Variants in NDUFA3 observed in about 807,000 individuals in gnomAD.
The protein encoded by NDUFA3 is NADH dehydrogenase [ubiquinone] 1 alpha subcomplex subunit 3.
A neutral mutation model predicts 11.4 loss-of-function variants in NDUFA3; 10 were observed. The ratio of observed to expected loss-of-function variants is 0.87; its 90% confidence interval spans 0.54 to 1.48. The LOEUF (loss-of-function observed/expected upper bound fraction) is 1.48, where lower values mean the gene tolerates loss of function less well. Among genes scored for constraint, NDUFA3 ranks in the 40% most tolerant of loss-of-function variants. The probability of loss-of-function intolerance (pLI) is 0.00; values close to 1 mark genes in which losing one functional copy is unlikely to be tolerated. For synonymous variants in NDUFA3, 39 were observed against 46.9 expected, an observed-to-expected ratio of 0.83 and a Z score of 0.68; for missense variants, 115 against 110.5, an observed-to-expected ratio of 1.04 and a Z score of -0.18.
chr19:54,103,000 G>A, intron 1 of NDUFA3, 112 bp downstream of exon 1: 1 of 1,542,570 alleles, frequency 6.5e-7, no homozygotes, highest in Non-Finnish European at 8.8e-7. Flanking sequence ...GTCCGTGCTG[G>A]AGGGGAACGC....
intron 2 of NDUFA3, among the ~76,000 whole-genome samples, chr19:54,105,264 C>CTTTTTTTTTTTTTTTTCTTTTT (rs2073222155): frequency 1.4e-5 from 1 of 71,258 alleles, no homozygotes; most frequent in Non-Finnish European, 2.5e-5. Context: ...GTTTGTAAGG[C>CTTTTTTTTTTTTTTTTCTTTTT]TTTTTTTTTT....
chr19:54,106,907 C>G lies in NDUFA3; in HGVS notation c.*5C>G. 1 of 1,609,474 alleles carries G rather than the reference C, an allele frequency of 6.2e-7. No individual in the cohort carries two copies. Among genetic ancestry groups the G allele is most frequent in the Non-Finnish European group, 8.5e-7 (1 of 1,178,506 alleles). ...GAGTGGCTGAAGAAACTGTGAGCAC[C>G]TCCACTGACAGAGGCGGCCCCTCCC... On this transcript the variant is annotated 3_prime_UTR_variant, in exon 4 of 4. Transcript: ENST00000485876.
intron 2 of NDUFA3, among the ~76,000 whole-genome samples, chr19:54,104,728 GTTTT>G (rs201417446): frequency 8.9e-6 from 1 of 112,262 alleles, no homozygotes; most frequent in African/African-American, 3.2e-5. Flanking sequence ...ATGTACTATG[GTTTT>G]TTTTGTTTGT....
At chr19:54,104,592 A>G (rs1269958374) in intron 2 of NDUFA3, among the ~76,000 whole-genome samples, 3 of 152,154 alleles carry the variant, frequency 2.0e-5, no homozygotes, top group Non-Finnish European at 4.4e-5. Flanking sequence ...CTGGCCACTG[A>G]GCATTTGAAG....
intron 3 of NDUFA3, 143 bp from the exon 4 acceptor site, chr19:54,106,668 T>C: frequency 1.6e-6 from 1 of 609,772 alleles, no homozygotes. Context: ...TTCCCGCCTC[T>C]TTCTGCATCA....
Position 54,106,984 on chromosome 19 carries a change from T to TC in NDUFA3, c.*82_*83insC, listed in dbSNP as rs1568561953. 4.4e-6 allele frequency: 7 copies of TC among 1,601,936 alleles called. No homozygotes were observed. The highest frequency in any genetic ancestry group is 6.0e-6 in the Non-Finnish European group (7 of 1,172,788). On this transcript the variant is annotated 3_prime_UTR_variant, in exon 4 of 4. Coordinates refer to ENST00000485876, the MANE Select transcript of NDUFA3 (RefSeq NM_004542.4). Reference sequence around the variant, plus strand: ...CAACCCCCGAACGTGAGCATGTGTGTGATCAGAGGTGGGAACAAGTAGACG... The same window carrying TC: ...CAACCCCCGAACGTGAGCATGTGTGTCGATCAGAGGTGGGAACAAGTAGACG...
At chr19:54,103,228 C>G in intron 2 of NDUFA3, 40 bp downstream of exon 2, 1 of 1,552,090 alleles carries the variant, frequency 6.4e-7, no homozygotes, top group South Asian at 1.2e-5. Context: ...ATCGTCCACC[C>G]CCGTCCCCCT....
chr19:54,105,687 C>A (rs1468314647), intron 2 of NDUFA3: 1 of 692,742 alleles, frequency 1.4e-6, no homozygotes, highest in Admixed American at 2.1e-5. Context: ...GCTGCCTCCT[C>A]CAGGCCCCAC....
rs751412715 is a variant in NDUFA3 at position 54,107,039 on chromosome 19, T to C, written c.*137T>C. The stretch of plus-strand genomic sequence containing the variant: ...CCGGGGTGAGTGTGGGGTCAGTTTA[T>C]TGGGCATGCGTCAGTCAGAGGCTGG... On this transcript the variant is annotated 3_prime_UTR_variant, in exon 4 of 4. Transcript: ENST00000485876. 21 of 1,613,034 alleles carry C rather than the reference T, an allele frequency of 1.3e-5. No individual in the cohort carries two copies. Among genetic ancestry groups the C allele is most frequent in the Non-Finnish European group, 1.6e-5 (19 of 1,179,716 alleles).
intron 3 of NDUFA3, 103 bp downstream of exon 3, chr19:54,106,114 C>G (rs1244204365): frequency 9.0e-7 from 1 of 1,106,696 alleles, no homozygotes; most frequent in Admixed American, 1.8e-5. Context: ...ATCAGAGATT[C>G]TGCAGTGGTG....
At chr19:54,103,983 G>T (rs587666590) in intron 2 of NDUFA3, among the ~76,000 whole-genome samples, 4 of 149,746 alleles carry the variant, frequency 2.7e-5, no homozygotes, top group African/African-American at 9.9e-5. Context: ...ACAGGCGCCC[G>T]CCCCCATGCC....
At chr19:54,104,195 T>G (rs587692471) in intron 2 of NDUFA3, among the ~76,000 whole-genome samples, 1 of 136,204 alleles carries the variant, frequency 7.3e-6, no homozygotes, top group African/African-American at 2.8e-5. Flanking sequence ...TACAGTGCAA[T>G]GGTTTGATCA....
In NDUFA3 at chr19:54,107,280, ACT is replaced by A. The variant is rs1195534939; in HGVS notation, c.*381_*382del. The A allele has an allele frequency of 6.1e-5, 88 of 1,453,690 alleles. 1 individual carries two copies. The South Asian group carries it at 1.0e-3, about 17-fold the overall frequency. The allele number at this position is 1,453,690 out of a possible 1,614,324, so 90.0% of individuals were successfully genotyped here. A position where few individuals can be genotyped will look rare whatever the true frequency, so the allele number is the denominator to read the frequency against. On this transcript the variant is annotated 3_prime_UTR_variant, in exon 4 of 4. Coordinates refer to ENST00000485876, the MANE Select transcript of NDUFA3 (RefSeq NM_004542.4). ...TTGCTTTTTAAAGAGACAGGGTCTC[ACT>A]CTGTTGCCCAGGCTGGAGTGCAGTG...
chr19:54,103,057 T>C, intron 1 of NDUFA3, 57 bp from the exon 2 acceptor site: 1 of 1,585,158 alleles, frequency 6.3e-7, no homozygotes, highest in Non-Finnish European at 8.6e-7. Flanking sequence ...CACGAGAGGG[T>C]TAGAGGTCAC....
At chr19:54,106,167 C>T (rs997287242) in intron 3 of NDUFA3, 156 bp downstream of exon 3, 16 of 681,150 alleles carry the variant, frequency 2.3e-5, no homozygotes, top group African/African-American at 5.4e-5. Flanking sequence ...AGATATAATT[C>T]GTATACTATT....
chr19:54,106,902 A>T lies in NDUFA3; in HGVS notation c.255A>T (p.Ter85CysextTer24). Residue 85 changes from the stop codon to cysteine (C), a stop_lost, in exon 4 of 4, where the codon TGA (stop) becomes TGT (cysteine). Transcript: ENST00000485876. ...GCCTGGAGTGGCTGAAGAAACTGTG[A>T]GCACCTCCACTGACAGAGGCGGCCC... The part of the protein sequence containing the change: ...GPSLEWLKKL[*>C] 5 of 1,611,340 alleles carry T rather than the reference A, an allele frequency of 3.1e-6. No homozygotes were observed. The highest frequency in any genetic ancestry group is 4.2e-6 in the Non-Finnish European group (5 of 1,179,230).
At chr19:54,106,061 G>A (rs2073250661) in intron 3 of NDUFA3, 50 bp downstream of exon 3, 1 of 1,536,756 alleles carries the variant, frequency 6.5e-7, no homozygotes, top group African/African-American at 1.4e-5. Context: ...GCCTCCCTGT[G>A]CTGGCGTAAG....
intron 2 of NDUFA3, chr19:54,105,460 G>T: frequency 4.1e-6 from 1 of 244,148 alleles, no homozygotes; most frequent in Non-Finnish European, 8.5e-6. Context: ...GTAGAGATGG[G>T]GTTTCATCAT....
intron 3 of NDUFA3, 188 bp downstream of exon 3, chr19:54,106,199 G>GT (rs1304779564): frequency 1.8e-5 from 11 of 603,898 alleles, no homozygotes; most frequent in Non-Finnish European, 2.6e-5. Flanking sequence ...CTTCGTTTTT[G>GT]TTTTTTGGGG....
Sources: allele counts gnomAD v4.1 joint callset (sites outside exome capture counted in the v4.1 genomes callset), GRCh38; gene constraint gnomAD v4.1.1; transcripts MANE v1.5; gene names NCBI Gene and HGNC (gene_info 2026-07-23, HGNC 2026-07-21).